The following KCNH1 variants were observed in gnomAD, a reference collection of about 807,000 sequenced individuals.
KCNH1 encodes potassium voltage-gated channel subfamily H member 1.
Under a neutral mutation model 69.2 loss-of-function variants are expected in KCNH1, and 27 were observed. That is an observed-to-expected ratio of 0.39 (90% confidence interval 0.29 to 0.54). KCNH1 has a LOEUF of 0.54. Ranked by LOEUF, KCNH1 falls within the 20% of genes least tolerant of loss-of-function variation. KCNH1 has a pLI of 0.68. For missense variants in KCNH1, 798 were observed against 1,261.6 expected (o/e 0.63, Z 5.57); for synonymous variants, 456 against 487.7 (o/e 0.93, Z 0.86).
chr1:211,105,972 T>G (rs1691340955), intron 2 of KCNH1, among the ~76,000 whole-genome samples: 1 of 152,276 alleles, frequency 6.6e-6, no homozygotes, highest in Non-Finnish European at 1.5e-5. Context: ...CATTTGATAC[T>G]TCCTTCTTAT....
At chr1:210,728,764 G>A (rs1307339710) in intron 10 of KCNH1, among the ~76,000 whole-genome samples, 1 of 152,214 alleles carries the variant, frequency 6.6e-6, no homozygotes, top group Non-Finnish European at 1.5e-5. Context: ...CAGCCCCTTA[G>A]GTAGAAAGTA....
At chr1:210,948,888 T>C (rs1295909793) in intron 6 of KCNH1, among the ~76,000 whole-genome samples, 1 of 151,238 alleles carries the variant, frequency 6.6e-6, no homozygotes, top group Admixed American at 6.6e-5. Flanking sequence ...GCCCGGGTTA[T>C]AACAAAACTT....
rs1392461769 is a variant in KCNH1 at position 210,989,633 on chromosome 1, C to CA, written c.1032+29149dup. Among the ~76,000 whole-genome samples, 11 of 152,228 alleles carry CA rather than the reference C, an allele frequency of 7.2e-5. No individual in the cohort carries two copies. In the East Asian group the frequency reaches 1.7e-3, roughly 24 times the overall value. ...AGGAACAGAAATGAGAAAAAGCTGC[C>CA]AAGCAGTTATAATTTGGAGTATCTT... On this transcript the variant is annotated intron_variant, in intron 6 of 10. Coordinates refer to ENST00000271751, the MANE Select transcript of KCNH1 (RefSeq NM_172362.3).
At chr1:211,100,010 G>A (rs112269744) in intron 3 of KCNH1, among the ~76,000 whole-genome samples, 2,030 of 152,192 alleles carry the variant, frequency 0.013, 46 homozygotes, top group Middle Eastern at 0.024. Context: ...CCATCTCCAC[G>A]CTCTAGCTGG....
intron 7 of KCNH1, among the ~76,000 whole-genome samples, chr1:210,809,616 A>C (rs895284530): frequency 6.6e-6 from 1 of 152,200 alleles, no homozygotes; most frequent in African/African-American, 2.4e-5. Context: ...TGGAGTTTTT[A>C]AAGCAGAGTA....
At chr1:210,844,435 G>C (rs9730476) in intron 7 of KCNH1, among the ~76,000 whole-genome samples, 2 of 151,944 alleles carry the variant, frequency 1.3e-5, no homozygotes, top group Non-Finnish European at 2.9e-5. Context: ...ACTCAAAACC[G>C]CTCAACTACA....
chr1:210,705,632 A>G (rs1681889268), intron 10 of KCNH1, among the ~76,000 whole-genome samples: 1 of 152,230 alleles, frequency 6.6e-6, no homozygotes, highest in Non-Finnish European at 1.5e-5. Flanking sequence ...CTTTGAAGAT[A>G]TGATAAAAGG....
At chr1:211,044,456 T>C (rs1690056158) in intron 5 of KCNH1, among the ~76,000 whole-genome samples, 1 of 152,114 alleles carries the variant, frequency 6.6e-6, no homozygotes, top group African/African-American at 2.4e-5. Flanking sequence ...AAAGGAGCAG[T>C]CAGCAGAGTA....
At chr1:210,824,353 G>A (rs917976975) in intron 7 of KCNH1, among the ~76,000 whole-genome samples, 1 of 149,620 alleles carries the variant, frequency 6.7e-6, no homozygotes, top group African/African-American at 2.5e-5. Context: ...TATATCTATT[G>A]ATATTTGTAA....
At chr1:210,843,386 A>G (rs1685465187) in intron 7 of KCNH1, among the ~76,000 whole-genome samples, 1 of 152,192 alleles carries the variant, frequency 6.6e-6, no homozygotes, top group Non-Finnish European at 1.5e-5. Context: ...AACCACTAAT[A>G]TGCTTAGCTC....
intron 10 of KCNH1, among the ~76,000 whole-genome samples, chr1:210,722,519 G>A (rs1039927862): frequency 2.0e-5 from 3 of 152,134 alleles, no homozygotes; most frequent in African/African-American, 4.8e-5. Context: ...GATGGAGAAG[G>A]GCCTGGTAGT....
At chr1:210,976,410 C>A (rs1688611298) in intron 6 of KCNH1, among the ~76,000 whole-genome samples, 1 of 149,186 alleles carries the variant, frequency 6.7e-6, no homozygotes, top group South Asian at 2.2e-4. Context: ...GAGATACCAT[C>A]TCACACCAGT....
chr1:210,734,925 A>G (rs1558446466), intron 10 of KCNH1, among the ~76,000 whole-genome samples: 2 of 151,924 alleles, frequency 1.3e-5, no homozygotes, highest in Non-Finnish European at 2.9e-5. Context: ...AAGTGACCAA[A>G]TTTTCTCCCT....
At chr1:210,818,375 A>G (rs1684861027) in intron 7 of KCNH1, among the ~76,000 whole-genome samples, 1 of 152,152 alleles carries the variant, frequency 6.6e-6, no homozygotes, top group African/African-American at 2.4e-5. Flanking sequence ...TTCTCTTGCC[A>G]TTACCCACAT....
At chr1:210,882,539 G>A (rs868332210) in intron 7 of KCNH1, among the ~76,000 whole-genome samples, 16 of 152,290 alleles carry the variant, frequency 1.1e-4, no homozygotes, top group African/African-American at 3.8e-4. Context: ...GCTTGCAGAT[G>A]CCAGAACAGG....
Position 210,919,434 on chromosome 1 carries a change from T to C in KCNH1, c.1462+206A>G. The C allele has an allele frequency of 3.5e-6, 2 of 572,262 alleles. No homozygotes were observed. Among genetic ancestry groups the C allele is most frequent in the South Asian group, 2.3e-5 (1 of 43,728 alleles). The allele number at this position is 572,262 out of a possible 1,614,324, so 35.4% of individuals were successfully genotyped here. A position where few individuals can be genotyped will look rare whatever the true frequency, so the allele number is the denominator to read the frequency against. ...AGAATTATGGATAGTCTTTACTTTCTACTTTGCACTCTTTTGTATTTTCTA... is the reference window on the plus strand; with the variant it reads ...AGAATTATGGATAGTCTTTACTTTCCACTTTGCACTCTTTTGTATTTTCTA... On this transcript the variant is annotated intron_variant, in intron 7 of 10. Transcript: ENST00000271751. This position sits in a 1 kb window ranked among gnomAD's most constrained non-coding sequence, Gnocchi z 4.2.
intron 6 of KCNH1, among the ~76,000 whole-genome samples, chr1:210,930,100 C>T (rs974086780): frequency 5.3e-5 from 8 of 152,068 alleles, no homozygotes; most frequent in South Asian, 4.1e-4. Flanking sequence ...AAAATGACCA[C>T]GCTGTCAAAA....
intron 4 of KCNH1, among the ~76,000 whole-genome samples, chr1:211,083,346 AT>A (rs1462643841): frequency 6.6e-6 from 1 of 152,240 alleles, no homozygotes; most frequent in Admixed American, 6.5e-5. Context: ...TTGGTTCTGC[AT>A]TTTAAATGGA....
intron 10 of KCNH1, among the ~76,000 whole-genome samples, chr1:210,733,009 T>C (rs1343928477): frequency 6.6e-6 from 1 of 152,090 alleles, no homozygotes; most frequent in Non-Finnish European, 1.5e-5. Context: ...CCGAGGTGAG[T>C]CTCTCAGATA....
Sources: gnomAD v4.1 joint callset for allele counts (sites outside exome capture counted in the v4.1 genomes callset) on GRCh38, gnomAD v4.1.1 for gene constraint, Gnocchi (gnomAD v3.1) non-coding constraint, MANE v1.5 for transcripts, NCBI Gene and HGNC (gene_info 2026-07-23, HGNC 2026-07-21) for gene names.